Variants in MCPH1 observed in about 807,000 individuals in gnomAD.
The protein encoded by MCPH1 is microcephalin.
A neutral mutation model predicts 84.5 loss-of-function variants in MCPH1; 104 were observed. That is an observed-to-expected ratio of 1.23 (90% CI 1.05 to 1.45). The LOEUF is 1.45. Among genes scored for constraint, MCPH1 ranks in the 40% most tolerant of loss-of-function variants. The pLI is 0.00. For missense variants in MCPH1, 1,498 were observed against 1,005.7 expected (o/e 1.49, Z -6.62); for synonymous variants, 514 against 366.8 (o/e 1.40, Z -4.58).
intron 9 of MCPH1, among the ~76,000 whole-genome samples, chr8:6,458,791 C>A (rs549298689): frequency 7.2e-5 from 11 of 152,178 alleles, no homozygotes; most frequent in African/African-American, 2.2e-4. Context: ...ACCACAGGCA[C>A]CCGCCAGCAC....
intron 13 of MCPH1, among the ~76,000 whole-genome samples, chr8:6,639,709 AAC>A (rs1797802206): frequency 6.6e-6 from 1 of 152,122 alleles, no homozygotes; most frequent in Non-Finnish European, 1.5e-5. Context: ...AATGTATATA[AAC>A]ACAGATATTG....
intron 4 of MCPH1, among the ~76,000 whole-genome samples, chr8:6,434,594 G>A (rs151201137): frequency 3.5e-4 from 54 of 152,248 alleles, no homozygotes; most frequent in African/African-American, 1.2e-3. Context: ...TGATGACAAG[G>A]ATCTTTCTAG....
chr8:6,491,622 C>G lies in MCPH1; in HGVS notation c.2137-8230C>G, dbSNP rs535828916. 3.3e-5 allele frequency among the ~76,000 whole-genome samples: 5 copies of G among 152,132 alleles called. No homozygotes were observed. The South Asian group carries it at 1.0e-3, about 32-fold the overall frequency. ...GTATATCTCCTAATGCTATCCCTCC[C>G]CACTCCCCCGACCCCACAACAGGCC... On this transcript the variant is annotated intron_variant, in intron 11 of 13. Coordinates refer to ENST00000344683, the MANE Select transcript of MCPH1 (RefSeq NM_024596.5).
intron 13 of MCPH1, chr8:6,624,829 G>C: frequency 1.0e-6 from 1 of 984,990 alleles, no homozygotes; most frequent in Non-Finnish European, 1.2e-6. Flanking sequence ...GCCTCATCCA[G>C]GTCCAGGCTA....
intron 12 of MCPH1, among the ~76,000 whole-genome samples, chr8:6,620,769 C>G (rs1236135800): frequency 2.0e-5 from 3 of 152,170 alleles, no homozygotes; most frequent in East Asian, 1.9e-4. Context: ...CCGCGGTCCT[C>G]TGAGTCAAAC....
chr8:6,428,214 C>A (rs1028639238), intron 3 of MCPH1, among the ~76,000 whole-genome samples: 1 of 151,842 alleles, frequency 6.6e-6, no homozygotes, highest in Admixed American at 6.6e-5. Flanking sequence ...TACCTTATAT[C>A]TTTATCAGCT....
intron 12 of MCPH1, among the ~76,000 whole-genome samples, chr8:6,585,420 G>C (rs1207529582): frequency 6.6e-6 from 1 of 152,242 alleles, no homozygotes; most frequent in Non-Finnish European, 1.5e-5. Context: ...CCTCACAGCT[G>C]TCTGGGAGCC....
chr8:6,568,267 G>C (rs990422397), intron 12 of MCPH1, among the ~76,000 whole-genome samples: 10 of 138,422 alleles, frequency 7.2e-5, no homozygotes, highest in South Asian at 4.3e-4. Context: ...GTGGAATGTG[G>C]ACCCATCGCT....
chr8:6,584,085 C>A (rs1264096385), intron 12 of MCPH1, among the ~76,000 whole-genome samples: 2 of 152,162 alleles, frequency 1.3e-5, no homozygotes, highest in Non-Finnish European at 2.9e-5. Context: ...CATCTTCCAA[C>A]ATTCCTGCCA....
chr8:6,433,884 T>A (rs1802242836), intron 4 of MCPH1, among the ~76,000 whole-genome samples: 1 of 152,086 alleles, frequency 6.6e-6, no homozygotes, highest in South Asian at 2.1e-4. Context: ...CCTCACCCTG[T>A]CTGCTGCCTG....
At chr8:6,623,366 CTCT>C (rs1449655638) in intron 13 of MCPH1, among the ~76,000 whole-genome samples, 22 of 152,120 alleles carry the variant, frequency 1.4e-4, no homozygotes, top group East Asian at 5.8e-4. Context: ...CTCTCTCTCT[CTCT>C]CCTGTTCTCT....
chr8:6,596,708 G>C (rs1277697602), intron 12 of MCPH1, among the ~76,000 whole-genome samples: 1 of 152,240 alleles, frequency 6.6e-6, no homozygotes, highest in East Asian at 1.9e-4. Context: ...GACCAGCACA[G>C]ATCCCACAAT....
At chr8:6,449,658 AG>A (rs1804854576) in intron 8 of MCPH1, among the ~76,000 whole-genome samples, 1 of 152,004 alleles carries the variant, frequency 6.6e-6, no homozygotes, top group African/African-American at 2.4e-5. Context: ...AAAAAGAAAT[AG>A]GAAATTCCCT....
chr8:6,595,476 G>T (rs1212692905), intron 12 of MCPH1, among the ~76,000 whole-genome samples: 2 of 152,228 alleles, frequency 1.3e-5, no homozygotes, highest in Non-Finnish European at 2.9e-5. Flanking sequence ...GAGCTGGCCA[G>T]CTGCATGCAC....
intron 12 of MCPH1, chr8:6,562,520 GCT>G (rs1825688389): frequency 1.3e-6 from 1 of 791,628 alleles, no homozygotes; most frequent in Non-Finnish European, 1.8e-6. Context: ...CCAGCAACCC[GCT>G]CTCCAGCTCT....
At chr8:6,636,156 T>C (rs1025620759) in intron 13 of MCPH1, among the ~76,000 whole-genome samples, 4 of 152,038 alleles carry the variant, frequency 2.6e-5, no homozygotes, top group Non-Finnish European at 4.4e-5. Context: ...CTGGCCAACA[T>C]GGCAAAACCC....
At chr8:6,567,401 C>T (rs1826287865) in intron 12 of MCPH1, among the ~76,000 whole-genome samples, 2 of 152,182 alleles carry the variant, frequency 1.3e-5, no homozygotes, top group South Asian at 4.1e-4. Context: ...GGTGCAGTGA[C>T]CACCGTGTGA....
chr8:6,408,821 C>T (rs564550689), intron 1 of MCPH1, among the ~76,000 whole-genome samples: 1 of 152,146 alleles, frequency 6.6e-6, no homozygotes. Flanking sequence ...CCTTGGCCTT[C>T]CAGAGTGCTG....
At chr8:6,473,464 T>C (rs558451146) in intron 9 of MCPH1, among the ~76,000 whole-genome samples, 1 of 151,310 alleles carries the variant, frequency 6.6e-6, no homozygotes, top group African/African-American at 2.4e-5. Flanking sequence ...CCCAAGTAGC[T>C]GGGACTATAG....
Sources: allele counts gnomAD v4.1 joint callset (sites outside exome capture counted in the v4.1 genomes callset), GRCh38; gene constraint gnomAD v4.1.1; transcripts MANE v1.5; gene names NCBI Gene and HGNC (gene_info 2026-07-23, HGNC 2026-07-21).